The following RNF125 variants were observed in gnomAD, a reference collection of about 807,000 sequenced individuals.
RNF125 encodes E3 ubiquitin-protein ligase RNF125.
RNF125 carries 21 observed loss-of-function variants against 26.0 expected under a neutral mutation model. That is an observed-to-expected ratio of 0.81 (90% CI 0.57 to 1.16). The LOEUF is 1.16. Ranked by LOEUF, RNF125 falls within the 50% of genes most tolerant of loss-of-function variation. The probability of loss-of-function intolerance (pLI) is 0.00; values close to 1 mark genes in which losing one functional copy is unlikely to be tolerated. For missense variants in RNF125, 270 were observed against 299.4 expected, an observed-to-expected ratio of 0.90 and a Z score of 0.72; for synonymous variants, 95 against 109.2, an observed-to-expected ratio of 0.87 and a Z score of 0.81.
chr18:32,038,547 A>T (rs1230064949), intron 2 of RNF125, among the ~76,000 whole-genome samples: 1 of 134,836 alleles, frequency 7.4e-6, no homozygotes, highest in African/African-American at 2.4e-5. Flanking sequence ...TATCAAACCC[A>T]GTGACATATT....
chr18:32,044,478 CTTTT>C (rs1157243451), intron 3 of RNF125, among the ~76,000 whole-genome samples: 1 of 152,082 alleles, frequency 6.6e-6, no homozygotes, highest in Non-Finnish European at 1.5e-5. Context: ...ATTTTACATT[CTTTT>C]TTCTTTTTAC....
At chr18:32,088,484 G>T in the RNF125 span, among the ~76,000 whole-genome samples, 4 of 152,094 alleles carry the variant, frequency 2.6e-5, no homozygotes, top group East Asian at 7.7e-4. Flanking sequence ...AACTTGACTG[G>T]AGAGTTTTAT....
chr18:32,084,461 C>G, the RNF125 span, among the ~76,000 whole-genome samples: 5 of 152,208 alleles, frequency 3.3e-5, no homozygotes, highest in Non-Finnish European at 7.3e-5. Flanking sequence ...TACTCTAGGG[C>G]TCTGCCTCCT....
Position 32,046,546 on chromosome 18 carries a change from G to A in RNF125, c.504+814G>A, listed in dbSNP as rs533262494. ...CGGGAGGCGGAGCTTGCAGTGAGCT[G>A]AGATCGTGCCACTGCACTCCAGCCT... On this transcript the variant is annotated intron_variant, in intron 4 of 5. Coordinates refer to ENST00000217740, the MANE Select transcript of RNF125 (RefSeq NM_017831.4). 4.1e-3 allele frequency among the ~76,000 whole-genome samples: 596 copies of A among 144,978 alleles called. 7 individuals are homozygous for A. Among genetic ancestry groups the A allele is most frequent in the African/African-American group, 0.015 (581 of 39,290 alleles).
chr18:32,076,130 C>A, downstream of RNF125: 1 of 597,356 alleles, frequency 1.7e-6, no homozygotes, highest in Admixed American at 2.3e-5. Flanking sequence ...TTCAGACTCG[C>A]CAATGTAACC....
chr18:32,043,924 A>C (rs2039243331), intron 3 of RNF125, among the ~76,000 whole-genome samples: 3 of 152,210 alleles, frequency 2.0e-5, no homozygotes, highest in Admixed American at 2.0e-4. Context: ...GAAAGTGAGC[A>C]AACAACTCCA....
chr18:32,074,430 AC>A (rs1162908281), downstream of RNF125, among the ~76,000 whole-genome samples: 1 of 152,250 alleles, frequency 6.6e-6, no homozygotes, highest in African/African-American at 2.4e-5. Flanking sequence ...CAGGAAGTAC[AC>A]AGGGTAAAGA....
chr18:32,062,880 C>G (rs1411356235), intron 4 of RNF125, among the ~76,000 whole-genome samples: 1 of 152,058 alleles, frequency 6.6e-6, no homozygotes, highest in African/African-American at 2.4e-5. Flanking sequence ...TACCTAACAA[C>G]ACATACTTGG....
intron 1 of RNF125, among the ~76,000 whole-genome samples, chr18:32,035,871 G>A (rs2039147268): frequency 6.6e-6 from 1 of 152,158 alleles, no homozygotes; most frequent in Non-Finnish European, 1.5e-5. Context: ...TGTGTCTGGA[G>A]GCCGGGCACA....
At chr18:32,090,110 G>A in the RNF125 span, among the ~76,000 whole-genome samples, 1 of 152,182 alleles carries the variant, frequency 6.6e-6, no homozygotes, top group Non-Finnish European at 1.5e-5. Flanking sequence ...GTTTGGCATG[G>A]TGGTGCATGC....
At chr18:32,043,248 C>T (rs2039237726) in intron 3 of RNF125, among the ~76,000 whole-genome samples, 1 of 152,172 alleles carries the variant, frequency 6.6e-6, no homozygotes, top group Non-Finnish European at 1.5e-5. Flanking sequence ...CCCCTACTAA[C>T]CAAATAAAGT....
chr18:32,052,281 T>C (rs531901663), intron 4 of RNF125, among the ~76,000 whole-genome samples: 3,012 of 151,536 alleles, frequency 0.02, 49 homozygotes, highest in Non-Finnish European at 0.031. Flanking sequence ...GATCACAAGG[T>C]CAGGAGTTCA....
chr18:32,025,203 C>T (rs1041971325), intron 1 of RNF125, among the ~76,000 whole-genome samples: 1 of 151,478 alleles, frequency 6.6e-6, no homozygotes, highest in Non-Finnish European at 1.5e-5. Context: ...ACAGACTATA[C>T]AAACTCATGT....
At chr18:32,037,363 C>A (rs1430988197) in intron 2 of RNF125, 94 bp downstream of exon 2, 55 of 314,316 alleles carry the variant, frequency 1.7e-4, no homozygotes, top group East Asian at 3.2e-4. Context: ...ATGGTACGCA[C>A]CTTTTTTTTT....
intron 4 of RNF125, among the ~76,000 whole-genome samples, chr18:32,054,162 C>T (rs562284673): frequency 2.5e-3 from 357 of 144,372 alleles, no homozygotes; most frequent in Admixed American, 7.2e-3. Flanking sequence ...GGCGTGGTCT[C>T]GGCTCGGAGC....
chr18:32,070,811 TCTC>T lies in RNF125; in HGVS notation c.*2430_*2432del, dbSNP rs781532515. The T allele has an allele frequency of 6.6e-6, 1 of 151,706 alleles. No homozygotes were observed. The highest frequency in any genetic ancestry group is 1.5e-5 in the Non-Finnish European group (1 of 67,966). The allele number at this position is 151,706 out of a possible 1,614,324, so 9.4% of individuals were successfully genotyped here. A position where few individuals can be genotyped will look rare whatever the true frequency, so the allele number is the denominator to read the frequency against. On this transcript the variant is annotated 3_prime_UTR_variant, in exon 6 of 6. Transcript: ENST00000217740. ...CCTCTGCCTCCTGGATTCAAGCAATTCTCCTGCCTCAGCTTCCCGAGTAGCTGG... is the reference window on the plus strand; with the variant it reads ...CCTCTGCCTCCTGGATTCAAGCAATTCTGCCTCAGCTTCCCGAGTAGCTGG...
chr18:32,051,910 G>A (rs1213889426), intron 4 of RNF125, among the ~76,000 whole-genome samples: 2 of 151,342 alleles, frequency 1.3e-5, no homozygotes, highest in Admixed American at 1.3e-4. Context: ...GGATGGTCTC[G>A]ATCTCCTGAC....
chr18:32,059,056 A>G, intron 4 of RNF125, among the ~76,000 whole-genome samples: 1 of 152,162 alleles, frequency 6.6e-6, no homozygotes, highest in East Asian at 1.9e-4. Context: ...AATCTTGACT[A>G]TTCTGAATAG....
downstream of RNF125, among the ~76,000 whole-genome samples, chr18:32,077,334 A>ATT (rs552701343): frequency 0.46 from 49,534 of 107,662 alleles, 12,868 homozygotes; most frequent in Admixed American, 0.58. Context: ...CCCTCTCCCC[A>ATT]TTTTTTTTTT....
Sources: gnomAD v4.1 joint callset for allele counts (sites outside exome capture counted in the v4.1 genomes callset) on GRCh38, gnomAD v4.1.1 for gene constraint, MANE v1.5 for transcripts, NCBI Gene and HGNC (gene_info 2026-07-23, HGNC 2026-07-21) for gene names.